PSPH: variants seen among roughly 807,000 people sequenced by gnomAD.
PSPH encodes the protein phosphoserine phosphatase.
Under a neutral mutation model 23.4 loss-of-function variants are expected in PSPH, and 16 were observed. That is an observed-to-expected ratio of 0.68 (90% CI 0.46 to 1.04). The LOEUF (loss-of-function observed/expected upper bound fraction) is 1.04. Among genes scored for constraint, PSPH ranks in the 50% least tolerant of loss-of-function variants. The pLI is 0.00. For missense variants in PSPH, 223 were observed against 273.7 expected (o/e 0.81, Z 1.31); for synonymous variants, 68 against 99.7 (o/e 0.68, Z 1.89).
intron 3 of PSPH, among the ~76,000 whole-genome samples, chr7:56,023,032 A>C (rs962871175): frequency 6.6e-6 from 1 of 152,138 alleles, no homozygotes; most frequent in Non-Finnish European, 1.5e-5. Context: ...GCACTCCAGC[A>C]TGGGGCCACA....
intron 2 of PSPH, among the ~76,000 whole-genome samples, chr7:56,032,489 C>T (rs1562812780): frequency 6.6e-6 from 1 of 151,642 alleles, no homozygotes; most frequent in African/African-American, 2.4e-5. Context: ...AACCACGTCT[C>T]TACCAAAAAT....
chr7:56,017,879 C>T (rs536292503), intron 5 of PSPH, among the ~76,000 whole-genome samples: 4 of 151,982 alleles, frequency 2.6e-5, no homozygotes, highest in Non-Finnish European at 4.4e-5. Flanking sequence ...CGCACCACCA[C>T]GCCCAGCTAA....
chr7:56,021,340 A>T, intron 3 of PSPH, 109 bp from the exon 4 acceptor site: 1 of 1,030,696 alleles, frequency 9.7e-7, no homozygotes, highest in Middle Eastern at 2.9e-4. Flanking sequence ...TGCAGGCCAC[A>T]TAAGAGTGTT....
intron 3 of PSPH, among the ~76,000 whole-genome samples, chr7:56,031,249 CA>C (rs1188682666): frequency 2.0e-5 from 3 of 149,780 alleles, no homozygotes; most frequent in Non-Finnish European, 4.4e-5. Flanking sequence ...AACAAACAAA[CA>C]AAAAAAACTG....
Position 56,011,847 on chromosome 7 carries a change from C to T in PSPH, c.593G>A (p.Gly198Glu). 1 of 1,611,282 alleles carries T rather than the reference C, an allele frequency of 6.2e-7. No homozygotes were observed. Among genetic ancestry groups the T allele is most frequent in the Non-Finnish European group, 8.5e-7 (1 of 1,177,596 alleles). ...CTTGACTTGTTGCCTGATCACATTT[C>T]CTCCAAATCCAATGAAAGCATCCTA... is the stretch of plus-strand genomic sequence containing the variant. ...PPADAFIGFG[G>E]NVIRQQVKDN... Residue 198 changes from glycine to glutamate, a missense_variant, in exon 8 of 8, where the codon GGA becomes GAA. Transcript: ENST00000275605.
At chr7:56,025,998 G>A (rs962242069) in intron 3 of PSPH, among the ~76,000 whole-genome samples, 1 of 152,008 alleles carries the variant, frequency 6.6e-6, no homozygotes, top group East Asian at 1.9e-4. Flanking sequence ...CTTCTTCACC[G>A]TGCAGATCAA....
At chr7:56,020,171 A>C (rs1239389061) in intron 4 of PSPH, among the ~76,000 whole-genome samples, 1 of 147,500 alleles carries the variant, frequency 6.8e-6, no homozygotes, top group African/African-American at 2.6e-5. Flanking sequence ...GTGAGCCAAG[A>C]TCTCACCACT....
chr7:56,017,517 C>T (rs1321364072), intron 5 of PSPH, 138 bp from the exon 6 acceptor site: 6 of 1,482,390 alleles, frequency 4.0e-6, no homozygotes, highest in Non-Finnish European at 5.4e-6. Flanking sequence ...ACAAGGTATA[C>T]TGCCTGGGGT....
At chr7:56,042,132 A>G (rs1418001365) in intron 1 of PSPH, among the ~76,000 whole-genome samples, 1 of 151,162 alleles carries the variant, frequency 6.6e-6, no homozygotes, top group Admixed American at 6.6e-5. Context: ...CTGAAGCAGG[A>G]GAATCGCTTG....
chr7:56,019,739 G>A lies in PSPH; in HGVS notation c.141-5C>T. ...CCGCCCATGGCTCGCCGTGTCCTAG[G>A]AGGGAGACCCAACAGTCAGGCCAGC... On this transcript the variant is annotated splice_polypyrimidine_tract_variant and splice_region_variant and intron_variant, in intron 4 of 7. Coordinates refer to ENST00000275605, the MANE Select transcript of PSPH (RefSeq NM_004577.4). 1 of 1,612,728 alleles carries A rather than the reference G, an allele frequency of 6.2e-7. No homozygotes were observed. The highest frequency in any genetic ancestry group is 2.2e-5 in the East Asian group (1 of 44,880).
At chr7:56,048,447 A>G (rs1277795496) in intron 1 of PSPH, among the ~76,000 whole-genome samples, 1 of 152,176 alleles carries the variant, frequency 6.6e-6, no homozygotes, top group African/African-American at 2.4e-5. Context: ...ACTAAATGTG[A>G]AATGTAATTT....
intron 4 of PSPH, 31 bp from the exon 5 acceptor site, chr7:56,019,765 C>T (rs746797093): frequency 6.2e-7 from 1 of 1,610,764 alleles, no homozygotes; most frequent in East Asian, 2.2e-5. Flanking sequence ...TCAGGCCAGC[C>T]AGGTCCGATG....
chr7:56,017,749 C>T (rs1584392125), intron 5 of PSPH, among the ~76,000 whole-genome samples: 1 of 139,052 alleles, frequency 7.2e-6, no homozygotes, highest in Non-Finnish European at 1.6e-5. Context: ...ATGGAGTCTC[C>T]CTCTGTCTCT....
intron 1 of PSPH, among the ~76,000 whole-genome samples, chr7:56,037,994 T>C (rs1311714999): frequency 6.6e-6 from 1 of 151,314 alleles, no homozygotes; most frequent in Middle Eastern, 3.2e-3. Context: ...ATTACAAGAG[T>C]GAGCCACCGT....
chr7:56,045,118 A>G (rs1405665361), intron 1 of PSPH, among the ~76,000 whole-genome samples: 2 of 151,976 alleles, frequency 1.3e-5, no homozygotes, highest in Non-Finnish European at 2.9e-5. Context: ...ATACTGATAC[A>G]AATTCATTCA....
At chr7:56,048,033 C>T (rs1208194944) in intron 1 of PSPH, among the ~76,000 whole-genome samples, 1 of 151,974 alleles carries the variant, frequency 6.6e-6, no homozygotes, top group Non-Finnish European at 1.5e-5. Context: ...AATCCCGGCA[C>T]TTTGGGAGGC....
chr7:56,017,546 T>C (rs1788732035), intron 5 of PSPH, among the ~76,000 whole-genome samples, 167 bp from the exon 6 acceptor site: 1 of 151,762 alleles, frequency 6.6e-6, no homozygotes, highest in Non-Finnish European at 1.5e-5. Flanking sequence ...TTTATATATG[T>C]TTTTCTTTTT....
At chr7:56,036,799 C>T (rs1343942702) in intron 1 of PSPH, among the ~76,000 whole-genome samples, 1 of 152,066 alleles carries the variant, frequency 6.6e-6, no homozygotes, top group East Asian at 1.9e-4. Flanking sequence ...GCCTAGAAGA[C>T]ACTAATGAGT....
At chr7:56,033,905 G>A (rs1308404247) in intron 2 of PSPH, 56 bp downstream of exon 2, 1 of 152,282 alleles carries the variant, frequency 6.6e-6, no homozygotes, top group Non-Finnish European at 1.5e-5. Context: ...AAGAGGAAAA[G>A]GAAAGTCGGC....
Sources: allele counts gnomAD v4.1 joint callset (sites outside exome capture counted in the v4.1 genomes callset), GRCh38; gene constraint gnomAD v4.1.1; transcripts MANE v1.5; gene names NCBI Gene and HGNC (gene_info 2026-07-23, HGNC 2026-07-21).